The following ARHGAP31 variants were observed in gnomAD, a reference collection of about 807,000 sequenced individuals.
The protein encoded by ARHGAP31 is Rho GTPase activating protein 31, also known as rho GTPase-activating protein 31.
A neutral mutation model predicts 113.9 loss-of-function variants in ARHGAP31; 34 were observed. That is an observed-to-expected ratio of 0.30 (90% CI 0.23 to 0.40). The LOEUF (loss-of-function observed/expected upper bound fraction) is 0.40. Among genes scored for constraint, ARHGAP31 ranks in the 10% least tolerant of loss-of-function variants. The probability of loss-of-function intolerance (pLI) is 1.00; values close to 1 mark genes in which losing one functional copy is unlikely to be tolerated. For synonymous variants in ARHGAP31, 650 were observed against 684.8 expected (o/e 0.95, Z 0.79); for missense variants, 1,548 against 1,767.1 (o/e 0.88, Z 2.22).
intron 1 of ARHGAP31, among the ~76,000 whole-genome samples, chr3:119,302,637 A>G (rs1290998691): frequency 6.6e-6 from 1 of 152,216 alleles, no homozygotes; most frequent in African/African-American, 2.4e-5. Context: ...TTTAATCCCC[A>G]TTTTACAAAA....
chr3:119,387,117 C>T (rs537953517), intron 6 of ARHGAP31, among the ~76,000 whole-genome samples: 1 of 150,452 alleles, frequency 6.6e-6, no homozygotes, highest in East Asian at 2.0e-4. Flanking sequence ...GGAGACCCCC[C>T]TTTCCCGGTC....
At chr3:119,375,755 A>T (rs2080340989) in intron 3 of ARHGAP31, among the ~76,000 whole-genome samples, 1 of 152,204 alleles carries the variant, frequency 6.6e-6, no homozygotes, top group Non-Finnish European at 1.5e-5. Context: ...GAGGTGTTAA[A>T]TTATGTATTT....
intron 1 of ARHGAP31, among the ~76,000 whole-genome samples, chr3:119,356,105 C>T (rs79673436): frequency 0.031 from 4,766 of 152,204 alleles, 116 homozygotes; most frequent in East Asian, 0.11. Flanking sequence ...TAAATTTATT[C>T]GACAATTTTC....
At chr3:119,378,255 T>C (rs2080365476) in intron 3 of ARHGAP31, among the ~76,000 whole-genome samples, 1 of 152,174 alleles carries the variant, frequency 6.6e-6, no homozygotes, top group Non-Finnish European at 1.5e-5. Context: ...TCTGTGGTCC[T>C]AATGGGACAA....
intron 7 of ARHGAP31, among the ~76,000 whole-genome samples, chr3:119,391,589 A>ACCCCCCCCCCCCCCCCC (rs368549202): frequency 1.5e-3 from 152 of 103,686 alleles, no homozygotes; most frequent in East Asian, 2.1e-3. Context: ...CTGGGTCTCT[A>ACCCCCCCCCCCCCCCCC]CCCCCCCCTC....
chr3:119,414,043 G>A lies in ARHGAP31; in HGVS notation c.2114G>A (p.Gly705Asp). 1.2e-6 allele frequency: 2 copies of A among 1,614,138 alleles called. No individual in the cohort carries two copies. The highest frequency in any genetic ancestry group is 1.7e-6 in the Non-Finnish European group (2 of 1,180,026). ...PSEPPGSLPCGSFPAPVSTPL... is the reference protein window; with the variant it reads ...PSEPPGSLPCDSFPAPVSTPL... ...GAGCCTCCTGGGAGCTTGCCTTGTGGCTCCTTCCCTGCTCCAGTCTCCACC... is the reference window on the plus strand; with the variant it reads ...GAGCCTCCTGGGAGCTTGCCTTGTGACTCCTTCCCTGCTCCAGTCTCCACC... The change falls in exon 12 of 12, where the codon GGC becomes GAC. Residue 705 changes from glycine (G) to aspartate (D), a missense_variant. By Grantham distance (94) the Gly-to-Asp change is moderately conservative. Transcript: ENST00000264245.
chr3:119,402,773 C>CA (rs2080624172), intron 10 of ARHGAP31, among the ~76,000 whole-genome samples: 1 of 152,164 alleles, frequency 6.6e-6, no homozygotes, highest in Non-Finnish European at 1.5e-5. Flanking sequence ...GAGAAAAACT[C>CA]ACAGAATGGA....
chr3:119,410,951 G>A (rs546217770), intron 11 of ARHGAP31, among the ~76,000 whole-genome samples: 2 of 152,330 alleles, frequency 1.3e-5, no homozygotes, highest in Admixed American at 6.5e-5. Context: ...CATGCCACAA[G>A]GGTCGGGGAA....
At chr3:119,334,643 C>T (rs1046875885) in intron 1 of ARHGAP31, among the ~76,000 whole-genome samples, 1 of 152,124 alleles carries the variant, frequency 6.6e-6, no homozygotes, top group Non-Finnish European at 1.5e-5. Context: ...AAGGACCATC[C>T]CTGGCCAGCA....
chr3:119,400,230 G>A (rs1421808007), intron 9 of ARHGAP31, among the ~76,000 whole-genome samples: 1 of 152,018 alleles, frequency 6.6e-6, no homozygotes, highest in Non-Finnish European at 1.5e-5. Context: ...CCAGGAGTTC[G>A]AGACCAGCCT....
chr3:119,339,302 G>C (rs1040973358), intron 1 of ARHGAP31, among the ~76,000 whole-genome samples: 1 of 152,126 alleles, frequency 6.6e-6, no homozygotes, highest in East Asian at 1.9e-4. Context: ...ACAAATCAAA[G>C]AGATCTTATA....
Position 119,384,063 on chromosome 3 carries a change from A to G in ARHGAP31, c.682+837A>G, listed in dbSNP as rs182433467. 7.0e-3 allele frequency among the ~76,000 whole-genome samples: 1,065 copies of G among 152,320 alleles called. 4 individuals are homozygous for G. The highest frequency in any genetic ancestry group is 0.012 in the Non-Finnish European group (796 of 68,032). On this transcript the variant is annotated intron_variant, in intron 6 of 11. Transcript: ENST00000264245. ...TGCTGCTGTTCAGGTCCACACTTGG[A>G]GAATCACTGGTGCATAAAAAACCAT...
chr3:119,343,331 G>A (rs1308669144), intron 1 of ARHGAP31, among the ~76,000 whole-genome samples: 1 of 152,222 alleles, frequency 6.6e-6, no homozygotes, highest in Non-Finnish European at 1.5e-5. Context: ...CAGCAAGGGA[G>A]TAAACTTCCC....
At position 119,413,992 on chromosome 3, in the gene ARHGAP31, C is replaced by G. The variant is rs757093180; in HGVS notation, c.2063C>G (p.Ser688Trp). Reference protein sequence around the residue: ...KTSPIQPILESSLGPFIPSEP... With the variant: ...KTSPIQPILEWSLGPFIPSEP... The stretch of plus-strand genomic sequence containing the variant: ...AGCCCAATTCAGCCTATTCTCGAGT[C>G]GAGTCTGGGGCCCTTTATTCCCTCA... Residue 688 changes from serine (S) to tryptophan (W), a missense_variant, in exon 12 of 12, where the codon TCG becomes TGG. Transcript: ENST00000264245. The G allele has an allele frequency of 1.9e-6, 3 of 1,614,186 alleles. No individual in the cohort carries two copies. The highest frequency in any genetic ancestry group is 1.7e-5 in the Admixed American group (1 of 60,018).
chr3:119,301,891 AC>A (rs1344080948), intron 1 of ARHGAP31, among the ~76,000 whole-genome samples: 4 of 152,152 alleles, frequency 2.6e-5, no homozygotes, highest in Non-Finnish European at 5.9e-5. Context: ...TCCAGAACAG[AC>A]CACACTTGCT....
chr3:119,375,291 A>G (rs2080336831), intron 3 of ARHGAP31, among the ~76,000 whole-genome samples: 1 of 152,190 alleles, frequency 6.6e-6, no homozygotes, highest in African/African-American at 2.4e-5. Flanking sequence ...CAGAGGCTCT[A>G]GAGGAAAAGC....
At chr3:119,312,021 G>T (rs2079687304) in intron 1 of ARHGAP31, among the ~76,000 whole-genome samples, 1 of 152,218 alleles carries the variant, frequency 6.6e-6, no homozygotes, top group Non-Finnish European at 1.5e-5. Context: ...GTATCTATCT[G>T]CCTGAACTCT....
intron 1 of ARHGAP31, among the ~76,000 whole-genome samples, chr3:119,357,484 G>A (rs2080168330): frequency 6.6e-6 from 1 of 152,158 alleles, no homozygotes; most frequent in South Asian, 2.1e-4. Context: ...TGGCCAGATT[G>A]TGGAAAACCT....
chr3:119,331,828 A>G (rs546085217), intron 1 of ARHGAP31, among the ~76,000 whole-genome samples: 31 of 152,308 alleles, frequency 2.0e-4, no homozygotes, highest in African/African-American at 7.5e-4. Flanking sequence ...TCCCAGCCCA[A>G]CCCAGTACAG....
Sources: allele counts gnomAD v4.1 joint callset (sites outside exome capture counted in the v4.1 genomes callset), GRCh38; gene constraint gnomAD v4.1.1; transcripts MANE v1.5; gene names NCBI Gene and HGNC (gene_info 2026-07-23, HGNC 2026-07-21).